Variants in CEP89 observed in about 807,000 individuals in gnomAD.
CEP89 encodes the protein centrosomal protein 89, also known as centrosomal protein of 89 kDa.
A neutral mutation model predicts 97.6 loss-of-function variants in CEP89; 95 were observed. The observed-to-expected ratio is 0.97, with a 90% CI of 0.82 to 1.15. CEP89 has a LOEUF of 1.15. Among genes scored for constraint, CEP89 ranks in the 50% most tolerant of loss-of-function variants. The pLI is 0.00. For synonymous variants in CEP89, 354 were observed against 349.1 expected, an observed-to-expected ratio of 1.01 and a Z score of -0.16; for missense variants, 869 against 947.7, an observed-to-expected ratio of 0.92 and a Z score of 1.09.
At chr19:32,947,934 G>A (rs1443916956) in intron 5 of CEP89, among the ~76,000 whole-genome samples, 1 of 152,166 alleles carries the variant, frequency 6.6e-6, no homozygotes, top group Non-Finnish European at 1.5e-5. Context: ...CTGAGTAGCT[G>A]GGACTGTAGG....
chr19:32,968,446 C>A (rs1393983282), intron 1 of CEP89, among the ~76,000 whole-genome samples: 2 of 152,164 alleles, frequency 1.3e-5, no homozygotes, highest in Admixed American at 6.5e-5. Flanking sequence ...TGGGGTTTTA[C>A]CATGTTGGCC....
chr19:32,891,187 G>C (rs1969508968), intron 16 of CEP89, among the ~76,000 whole-genome samples: 1 of 152,208 alleles, frequency 6.6e-6, no homozygotes, highest in South Asian at 2.1e-4. Context: ...TCCAGCCGCA[G>C]AGCCCTGCGC....
chr19:32,909,491 C>T (rs73571780), intron 14 of CEP89, among the ~76,000 whole-genome samples: 46,183 of 151,896 alleles, frequency 0.3, 7,369 homozygotes, highest in Admixed American at 0.4. Context: ...CAACAAGGGT[C>T]ATTAGGCATG....
At chr19:32,950,213 T>C (rs935991997) in intron 4 of CEP89, among the ~76,000 whole-genome samples, 1 of 152,064 alleles carries the variant, frequency 6.6e-6, no homozygotes, top group African/African-American at 2.4e-5. Context: ...GTCAAAAATA[T>C]ATTAAGTGAC....
intron 12 of CEP89, among the ~76,000 whole-genome samples, chr19:32,921,212 ACT>A (rs1970240593): frequency 7.1e-6 from 1 of 141,652 alleles, no homozygotes; most frequent in Non-Finnish European, 1.5e-5. Context: ...GCAGAGCAAG[ACT>A]CTGTCTCAAA....
At chr19:32,926,800 G>A in intron 10 of CEP89, 134 bp downstream of exon 10, 2 of 720,216 alleles carry the variant, frequency 2.8e-6, no homozygotes, top group Non-Finnish European at 4.8e-6. Context: ...GACCTCAACT[G>A]ATCCACCCGC....
intron 5 of CEP89, among the ~76,000 whole-genome samples, chr19:32,946,614 T>G (rs1384572026): frequency 6.6e-6 from 1 of 152,220 alleles, no homozygotes; most frequent in Admixed American, 6.5e-5. Context: ...CTCCCATAAT[T>G]CCCTCATATT....
intron 12 of CEP89, 122 bp downstream of exon 12, chr19:32,923,317 G>A (rs1032188697): frequency 3.8e-6 from 2 of 524,992 alleles, no homozygotes; most frequent in Non-Finnish European, 6.8e-6. Flanking sequence ...TAATTTCTTA[G>A]AAACTCTCCC....
intron 16 of CEP89, among the ~76,000 whole-genome samples, chr19:32,894,921 G>C (rs1276461037): frequency 1.3e-5 from 2 of 152,152 alleles, no homozygotes; most frequent in African/African-American, 4.8e-5. Flanking sequence ...TACCAAGATT[G>C]AATTAGGAAG....
chr19:32,928,567 C>T (rs1244875071), intron 9 of CEP89, among the ~76,000 whole-genome samples: 1 of 152,104 alleles, frequency 6.6e-6, no homozygotes, highest in Non-Finnish European at 1.5e-5. Flanking sequence ...TGTGGCTGGG[C>T]AGAACTCGAA....
chr19:32,926,351 G>T, intron 10 of CEP89, 78 bp from the exon 11 acceptor site: 1 of 1,014,380 alleles, frequency 9.9e-7, no homozygotes, highest in South Asian at 1.4e-5. Flanking sequence ...ATGGCAAGAA[G>T]TTATACTTTT....
chr19:32,913,317 TTGTTG>T lies in CEP89; in HGVS notation c.1565+2015_1565+2019del, dbSNP rs1157801217. On this transcript the variant is annotated intron_variant, in intron 14 of 18. Transcript: ENST00000305768. Reference sequence around the variant, plus strand: ...TATATATATATATATTTTTTTGTTGTTGTTGTTGTTGTTGTTGTTGTTGTTTCACA... The same window carrying T: ...TATATATATATATATTTTTTTGTTGTTTGTTGTTGTTGTTGTTGTTTCACA... Among the ~76,000 whole-genome samples the T allele has an allele frequency of 3.9e-3, 263 of 66,632 alleles. 1 individual carries two copies. Among genetic ancestry groups the T allele is most frequent in the African/African-American group, 0.02 (245 of 12,092 alleles). The allele number at this position is 66,632 out of a possible 152,430, so 43.7% of individuals were successfully genotyped here. A position where few individuals can be genotyped will look rare whatever the true frequency, so the allele number is the denominator to read the frequency against.
At chr19:32,966,792 C>A (rs2047707629) in intron 1 of CEP89, among the ~76,000 whole-genome samples, 1 of 152,160 alleles carries the variant, frequency 6.6e-6, no homozygotes, top group South Asian at 2.1e-4. Context: ...CATGTGGCTC[C>A]CCCTGCAGAG....
intron 2 of CEP89, chr19:32,966,017 C>T (rs1012023570): frequency 1.2e-5 from 2 of 162,122 alleles, no homozygotes; most frequent in African/African-American, 2.4e-5. Context: ...GACTCCGTTT[C>T]GAAGGAAAAA....
chr19:32,884,902 T>A (rs1042444052), intron 17 of CEP89, among the ~76,000 whole-genome samples: 1 of 152,236 alleles, frequency 6.6e-6, no homozygotes, highest in Non-Finnish European at 1.5e-5. Flanking sequence ...ATTCTTGTAG[T>A]TGGCTTTATT....
At chr19:32,914,473 T>C (rs1010313164) in intron 14 of CEP89, among the ~76,000 whole-genome samples, 2 of 151,796 alleles carry the variant, frequency 1.3e-5, no homozygotes, top group African/African-American at 2.4e-5. Context: ...AGTTTCGCCA[T>C]GTTGCCCAGG....
chr19:32,880,636 AT>A (rs1222984711), intron 18 of CEP89, among the ~76,000 whole-genome samples: 3 of 57,880 alleles, frequency 5.2e-5, no homozygotes, highest in Admixed American at 4.1e-4. Flanking sequence ...AAGACCTTGT[AT>A]TTAAAAAAAA....
intron 4 of CEP89, among the ~76,000 whole-genome samples, chr19:32,949,699 A>G (rs532448067): frequency 2.0e-5 from 3 of 151,816 alleles, no homozygotes; most frequent in Non-Finnish European, 4.4e-5. Flanking sequence ...CAGTTGTTAC[A>G]TGGTAAACTG....
intron 14 of CEP89, among the ~76,000 whole-genome samples, chr19:32,902,389 C>T (rs1969799687): frequency 6.6e-6 from 1 of 152,108 alleles, no homozygotes; most frequent in Non-Finnish European, 1.5e-5. Context: ...TCACTGAAAA[C>T]TTATTTAACT....
Sources: allele counts gnomAD v4.1 joint callset (sites outside exome capture counted in the v4.1 genomes callset), GRCh38; gene constraint gnomAD v4.1.1; transcripts MANE v1.5; gene names NCBI Gene and HGNC (gene_info 2026-07-23, HGNC 2026-07-21).